Variants in NLRP5 observed in about 807,000 individuals in gnomAD.
NLRP5 encodes NACHT, LRR and PYD domains-containing protein 5.
NLRP5 carries 93 observed loss-of-function variants against 113.1 expected under a neutral mutation model. The ratio of observed to expected loss-of-function variants is 0.82; its 90% CI spans 0.70 to 0.98. The LOEUF (loss-of-function observed/expected upper bound fraction) is 0.98, where lower values mean the gene tolerates loss of function less well. NLRP5 is among the 50% of genes least tolerant of loss of function. NLRP5 has a pLI of 0.00. For missense variants in NLRP5, 1,808 were observed against 1,514.3 expected (o/e 1.19, Z -3.22); for synonymous variants, 751 against 600.7 (o/e 1.25, Z -3.66).
At chr19:56,009,768 G>T (rs375546739) in intron 3 of NLRP5, among the ~76,000 whole-genome samples, 1 of 152,152 alleles carries the variant, frequency 6.6e-6, no homozygotes, top group African/African-American at 2.4e-5. Context: ...AGTGTTGACC[G>T]TGAAACCTAA....
At position 56,055,703 on chromosome 19, in the gene NLRP5, G is replaced by A. The variant is rs1016011552; in HGVS notation, c.3299+1895G>A. Among the ~76,000 whole-genome samples, 12 of 151,386 alleles carry A rather than the reference G, an allele frequency of 7.9e-5. No individual in the cohort carries two copies. The East Asian group carries it at 9.7e-4, about 12-fold the overall frequency. ...TGGGACTACAGGTGCCCGCCACCACGCCCGGCTAATTTTTTGTATTTTTAG... is the reference window on the plus strand; with the variant it reads ...TGGGACTACAGGTGCCCGCCACCACACCCGGCTAATTTTTTGTATTTTTAG... On this transcript the variant is annotated intron_variant, in intron 13 of 14. Transcript: ENST00000390649.
At chr19:56,032,212 G>A (rs985495114) in intron 7 of NLRP5, among the ~76,000 whole-genome samples, 1 of 152,146 alleles carries the variant, frequency 6.6e-6, no homozygotes, top group Non-Finnish European at 1.5e-5. Flanking sequence ...GTGCATGATG[G>A]CATGCGCCTG....
At chr19:56,015,649 G>A (rs936352892) in intron 3 of NLRP5, 93 bp from the exon 4 acceptor site, 4 of 1,035,870 alleles carry the variant, frequency 3.9e-6, no homozygotes, top group Non-Finnish European at 5.5e-6. Flanking sequence ...ATTAACTATG[G>A]CATGACTAAG....
chr19:56,007,522 G>C (rs549055805), intron 2 of NLRP5, among the ~76,000 whole-genome samples: 1 of 151,276 alleles, frequency 6.6e-6, no homozygotes, highest in African/African-American at 2.5e-5. Flanking sequence ...CATAAAGTCA[G>C]GGCATCCCAA....
chr19:55,993,783 C>T, the NLRP5 span, among the ~76,000 whole-genome samples: 1 of 90,672 alleles, frequency 1.1e-5, no homozygotes, highest in Non-Finnish European at 2.8e-5. Flanking sequence ...CTGTAGCTCA[C>T]ATGAAGAGCT....
rs986587585 is a variant in NLRP5, at chr19:56,015,676, A to C, written c.509-66A>C. On this transcript the variant is annotated intron_variant, in intron 3 of 14. Transcript: ENST00000390649. Reference sequence around the variant, plus strand: ...ATGACTAAGTTTATCTGGGGTGTCCAACATCTCTGATTTGAATAATATACA... The same window carrying C: ...ATGACTAAGTTTATCTGGGGTGTCCCACATCTCTGATTTGAATAATATACA... The C allele has an allele frequency of 5.9e-6, 8 of 1,349,428 alleles. No homozygotes were observed. In the Admixed American group the frequency reaches 1.3e-4, roughly 23 times the overall value. The allele number at this position is 1,349,428 out of a possible 1,614,324, so 83.6% of individuals were successfully genotyped here. A position where few individuals can be genotyped will look rare whatever the true frequency, so the allele number is the denominator to read the frequency against.
chr19:56,058,303 C>A lies in NLRP5; in HGVS notation c.3363C>A (p.Asn1121Lys). 1 of 1,613,944 alleles carries A rather than the reference C, an allele frequency of 6.2e-7. No homozygotes were observed. The highest frequency in any genetic ancestry group is 2.2e-5 in the East Asian group (1 of 44,878). The change falls in exon 14 of 15, where the codon AAC becomes AAA. Residue 1121 changes from asparagine (N) to lysine (K), a missense_variant. Transcript: ENST00000390649. Reference sequence around the variant, plus strand: ...CACTCTCCTTGGCCCTTTCCTGCAACCGGCATCTGACCAGTCTAAACCTGG... The same window carrying A: ...CACTCTCCTTGGCCCTTTCCTGCAAACGGCATCTGACCAGTCTAAACCTGG...
chr19:55,998,668 G>GTC (rs1981428260), upstream of NLRP5, among the ~76,000 whole-genome samples: 1 of 71,086 alleles, frequency 1.4e-5, no homozygotes, highest in Admixed American at 1.8e-4. Context: ...ATGTGTGTGT[G>GTC]TGTGTATATA....
intron 1 of NLRP5, among the ~76,000 whole-genome samples, chr19:56,000,115 ACAGTTGTCCAGGGACGG>A (rs1388376290): frequency 2.3e-4 from 35 of 151,666 alleles, no homozygotes; most frequent in African/African-American, 7.5e-4. Context: ...CTTTTCAATG[ACAGTTGTCCAGGGACGG>A]CCACCTCTCC....
chr19:56,053,462 T>C (rs1984007044), intron 12 of NLRP5, among the ~76,000 whole-genome samples, 176 bp from the exon 13 acceptor site: 1 of 152,186 alleles, frequency 6.6e-6, no homozygotes. Flanking sequence ...GCCTCCGCTA[T>C]CATTCCTCTC....
In NLRP5 at chr19:56,015,814, C is replaced by A; in HGVS notation, c.565+16C>A. On this transcript the variant is annotated intron_variant, in intron 4 of 14. Transcript: ENST00000390649. ...AAAGAACAAGGTGAATGAAATAGATCTATTCATTTGTTGCCCTCCTGGAAG... is the reference window on the plus strand; with the variant it reads ...AAAGAACAAGGTGAATGAAATAGATATATTCATTTGTTGCCCTCCTGGAAG... 6.6e-7 allele frequency: 1 copy of A among 1,515,412 alleles called. No homozygotes were observed. The highest frequency in any genetic ancestry group is 8.8e-7 in the Non-Finnish European group (1 of 1,131,518). The allele number at this position is 1,515,412 out of a possible 1,614,324, so 93.9% of individuals were successfully genotyped here.
intron 2 of NLRP5, among the ~76,000 whole-genome samples, chr19:56,005,726 T>C (rs1378515832): frequency 6.6e-6 from 1 of 152,196 alleles, no homozygotes; most frequent in Non-Finnish European, 1.5e-5. Context: ...GGGCTCTCTC[T>C]CCTGAGCTTG....
chr19:56,034,249 C>T (rs1020423904), intron 9 of NLRP5, among the ~76,000 whole-genome samples: 1 of 152,108 alleles, frequency 6.6e-6, no homozygotes, highest in Admixed American at 6.6e-5. Context: ...ATTAGCCAGG[C>T]GTGGCAGCCA....
intron 9 of NLRP5, among the ~76,000 whole-genome samples, chr19:56,034,762 A>T (rs150958377): frequency 0.01 from 1,590 of 152,254 alleles, 23 homozygotes; most frequent in African/African-American, 0.034. Context: ...TCTGTTGATG[A>T]TGGCCATTCA....
At position 56,058,415 on chromosome 19, in the gene NLRP5, G is replaced by C; in HGVS notation, c.3470+5G>C. 6.2e-7 allele frequency: 1 copy of C among 1,607,820 alleles called. No homozygotes were observed. Among genetic ancestry groups the C allele is most frequent in the Non-Finnish European group, 8.5e-7 (1 of 1,176,686 alleles). ...GTCTAACTTACAGATAATTGGGTAA[G>C]TCGCCAGCAATTGTCTTCTGAGATA... On this transcript the variant is annotated splice_donor_5th_base_variant and intron_variant, in intron 14 of 14. Transcript: ENST00000390649.
upstream of NLRP5, chr19:55,999,715 G>A (rs763865666): frequency 6.2e-7 from 1 of 1,605,066 alleles, no homozygotes; most frequent in Non-Finnish European, 8.5e-7. Flanking sequence ...ACTTTCCATG[G>A]CGATGTTATC....
intron 3 of NLRP5, among the ~76,000 whole-genome samples, chr19:56,011,219 G>A (rs530259735): frequency 1.3e-5 from 2 of 151,966 alleles, no homozygotes; most frequent in East Asian, 3.9e-4. Context: ...AAGACACTAG[G>A]CTAAGTGAAG....
chr19:56,058,340 T>C lies in NLRP5; in HGVS notation c.3400T>C (p.Phe1134Leu). The change falls in exon 14 of 15, where the codon TTC (phenylalanine) becomes CTC (leucine). Residue 1134 changes from phenylalanine to leucine, a missense_variant. Coordinates refer to ENST00000390649, the MANE Select transcript of NLRP5 (RefSeq NM_153447.4). ...CAGTCTAAACCTGGTGCAGAATAAC[T>C]TCAGTCCCAAAGGAATGATGAAGCT... 1.2e-6 allele frequency: 2 copies of C among 1,614,012 alleles called. No homozygotes were observed. The highest frequency in any genetic ancestry group is 2.2e-5 in the East Asian group (1 of 44,886).
At chr19:56,032,552 A>T in intron 7 of NLRP5, 59 bp from the exon 8 acceptor site, 1 of 1,512,940 alleles carries the variant, frequency 6.6e-7, no homozygotes, top group Non-Finnish European at 9.0e-7. Context: ...ACGTGTTGCC[A>T]CGACTGCTCA....
Sources: allele counts gnomAD v4.1 joint callset (sites outside exome capture counted in the v4.1 genomes callset), GRCh38; gene constraint gnomAD v4.1.1; transcripts MANE v1.5; gene names NCBI Gene and HGNC (gene_info 2026-07-23, HGNC 2026-07-21).